Variants in MEMO1 observed in about 807,000 individuals in gnomAD.
MEMO1 encodes the protein protein MEMO1.
In MEMO1, 6 loss-of-function variants were observed where a neutral mutation model predicts 45.2. The observed-to-expected ratio is 0.13, with a 90% CI of 0.07 to 0.26. MEMO1 has a LOEUF of 0.26. MEMO1 is among the 10% of genes least tolerant of loss of function. MEMO1 has a pLI of 1.00. For missense variants in MEMO1, 184 were observed against 370.5 expected, an observed-to-expected ratio of 0.50 and a Z score of 4.13; for synonymous variants, 78 against 124.3, an observed-to-expected ratio of 0.63 and a Z score of 2.48.
chr2:31,972,150 T>C (rs983261410), intron 2 of MEMO1, among the ~76,000 whole-genome samples: 7 of 152,202 alleles, frequency 4.6e-5, no homozygotes, highest in African/African-American at 1.7e-4. Context: ...CAAATGTTTC[T>C]ATAACTGATG....
intron 6 of MEMO1, among the ~76,000 whole-genome samples, chr2:31,896,163 G>A (rs958616135): frequency 6.6e-6 from 1 of 152,136 alleles, no homozygotes; most frequent in African/African-American, 2.4e-5. Flanking sequence ...CGTGAAAGCA[G>A]CGAGAAGAAA....
intron 3 of MEMO1, among the ~76,000 whole-genome samples, chr2:31,933,860 T>C (rs1162423801): frequency 2.0e-5 from 3 of 152,132 alleles, no homozygotes; most frequent in Non-Finnish European, 2.9e-5. Flanking sequence ...TAGTAGTCTT[T>C]TGGCTCAGCA....
intron 7 of MEMO1, among the ~76,000 whole-genome samples, chr2:31,884,425 C>T (rs1033127964): frequency 1.3e-5 from 2 of 152,244 alleles, no homozygotes; most frequent in Admixed American, 6.5e-5. Context: ...AAATCATGTA[C>T]ACACATCATG....
intron 6 of MEMO1, among the ~76,000 whole-genome samples, chr2:31,895,876 G>A (rs576476998): frequency 1.6e-5 from 2 of 122,142 alleles, no homozygotes; most frequent in South Asian, 2.5e-4. Flanking sequence ...ACGGAGTCTC[G>A]CTGTCGCCCA....
At chr2:31,875,215 T>C (rs1378224936) in intron 8 of MEMO1, among the ~76,000 whole-genome samples, 1 of 152,170 alleles carries the variant, frequency 6.6e-6, no homozygotes, top group Non-Finnish European at 1.5e-5. Flanking sequence ...AGAAATCATA[T>C]TCCAGGGTAT....
intron 6 of MEMO1, among the ~76,000 whole-genome samples, chr2:31,907,996 G>A (rs533823532): frequency 8.5e-5 from 13 of 152,194 alleles, no homozygotes; most frequent in African/African-American, 3.1e-4. Context: ...TCTTCAGAAG[G>A]TGGTAAAGTT....
At chr2:31,958,069 T>C (rs543273448) in intron 2 of MEMO1, among the ~76,000 whole-genome samples, 3 of 152,112 alleles carry the variant, frequency 2.0e-5, no homozygotes, top group African/African-American at 4.8e-5. Flanking sequence ...GAAATGGGCA[T>C]GCCAGGTTTC....
At chr2:31,962,436 AC>A (rs903751910) in intron 2 of MEMO1, among the ~76,000 whole-genome samples, 2 of 152,038 alleles carry the variant, frequency 1.3e-5, no homozygotes, top group Admixed American at 6.6e-5. Flanking sequence ...ATAACTATAA[AC>A]CACGTGTATC....
intron 2 of MEMO1, among the ~76,000 whole-genome samples, chr2:31,961,233 C>CT (rs2148409256): frequency 6.6e-6 from 1 of 152,152 alleles, no homozygotes; most frequent in Non-Finnish European, 1.5e-5. Context: ...CGGCAAGTGC[C>CT]TATAATCTCA....
chr2:31,897,762 C>G (rs1678096605), intron 6 of MEMO1, among the ~76,000 whole-genome samples: 1 of 151,996 alleles, frequency 6.6e-6, no homozygotes, highest in Non-Finnish European at 1.5e-5. Context: ...CCCTCTTTTT[C>G]CATTATTTGG....
chr2:31,870,498 G>GA (rs1031671672), intron 8 of MEMO1, among the ~76,000 whole-genome samples: 12 of 151,948 alleles, frequency 7.9e-5, no homozygotes, highest in African/African-American at 2.9e-4. Context: ...TAGGTTTGTG[G>GA]AAAAAAATGA....
intron 2 of MEMO1, among the ~76,000 whole-genome samples, chr2:31,952,665 C>T (rs540321750): frequency 1.3e-5 from 2 of 152,124 alleles, no homozygotes; most frequent in Non-Finnish European, 2.9e-5. Context: ...CTGATTATAG[C>T]ATCTTATCTA....
chr2:31,998,580 C>T (rs1672883283), intron 2 of MEMO1, among the ~76,000 whole-genome samples: 1 of 152,106 alleles, frequency 6.6e-6, no homozygotes, highest in Non-Finnish European at 1.5e-5. Flanking sequence ...GTGGGCAGAT[C>T]ATGAGGTCAG....
At chr2:31,974,288 A>G (rs968444186) in intron 2 of MEMO1, among the ~76,000 whole-genome samples, 1 of 152,216 alleles carries the variant, frequency 6.6e-6, no homozygotes, top group Non-Finnish European at 1.5e-5. Context: ...CTTAATGCCA[A>G]TTACTATAAT....
chr2:31,946,564 T>C (rs1157177970), intron 2 of MEMO1, among the ~76,000 whole-genome samples: 1 of 152,128 alleles, frequency 6.6e-6, no homozygotes, highest in Non-Finnish European at 1.5e-5. Context: ...AGTGATCCAA[T>C]AAGATGACAA....
intron 6 of MEMO1, among the ~76,000 whole-genome samples, chr2:31,914,714 G>A (rs1681155180): frequency 6.6e-6 from 1 of 152,088 alleles, no homozygotes; most frequent in African/African-American, 2.4e-5. Context: ...CATTACTTGG[G>A]AGGCTGAAGT....
intron 8 of MEMO1, among the ~76,000 whole-genome samples, chr2:31,873,586 C>G (rs1674107115): frequency 6.6e-6 from 1 of 152,078 alleles, no homozygotes; most frequent in Non-Finnish European, 1.5e-5. Context: ...TAAAAATTAT[C>G]ACCCAGAAGG....
chr2:31,868,828 T>C (rs1049655244), intron 9 of MEMO1, among the ~76,000 whole-genome samples: 2 of 152,186 alleles, frequency 1.3e-5, no homozygotes, highest in African/African-American at 4.8e-5. Flanking sequence ...GCCACTTCTG[T>C]CTTAAGACGT....
rs1665998258 is a variant in MEMO1 at position 31,944,704 on chromosome 2, C to T, written c.62-1321G>A. Reference sequence around the variant, plus strand: ...TTACTTTATCATTATTATTAGCATGCAAATGTGTCATACTAACACTGATTA... The same window carrying T: ...TTACTTTATCATTATTATTAGCATGTAAATGTGTCATACTAACACTGATTA... On this transcript the variant is annotated intron_variant, in intron 2 of 9. Transcript: ENST00000404530. Among the ~76,000 whole-genome samples the T allele has an allele frequency of 1.3e-5, 2 of 152,128 alleles. 1 individual carries two copies. The highest frequency in any genetic ancestry group is 4.1e-4 in the South Asian group (2 of 4,822).
Sources: gnomAD v4.1 joint callset for allele counts (sites outside exome capture counted in the v4.1 genomes callset) on GRCh38, gnomAD v4.1.1 for gene constraint, MANE v1.5 for transcripts, NCBI Gene and HGNC (gene_info 2026-07-23, HGNC 2026-07-21) for gene names.